Variants in CROCC observed in about 807,000 individuals in gnomAD.
CROCC encodes rootletin.
A neutral mutation model predicts 245.2 loss-of-function variants in CROCC; 180 were observed. That is an observed-to-expected ratio of 0.73 (90% CI 0.65 to 0.83). The LOEUF is 0.83. Among genes scored for constraint, CROCC ranks in the 40% least tolerant of loss-of-function variants. The probability of loss-of-function intolerance (pLI) is 0.00; values close to 1 mark genes in which losing one functional copy is unlikely to be tolerated. For missense variants in CROCC, 2,688 were observed against 2,779.4 expected (o/e 0.97, Z 0.74); for synonymous variants, 1,205 against 1,241.6 (o/e 0.97, Z 0.62).
upstream of CROCC, among the ~76,000 whole-genome samples, chr1:16,921,023 C>T (rs6666198): frequency 0.13 from 19,947 of 148,682 alleles, no homozygotes; most frequent in East Asian, 0.4. Flanking sequence ...AGATTACAGG[C>T]ATGAGTGCCT....
chr1:16,970,833 G>A, intron 35 of CROCC, 66 bp downstream of exon 35: 2 of 1,469,960 alleles, frequency 1.4e-6, no homozygotes, highest in South Asian at 2.9e-5. Flanking sequence ...AATTCCAGTG[G>A]AGCTGATGGC....
intron 7 of CROCC, 60 bp downstream of exon 7, chr1:16,930,654 G>A (rs891299459): frequency 1.0e-5 from 16 of 1,547,222 alleles, no homozygotes; most frequent in Non-Finnish European, 1.4e-5. Context: ...CTGCAGAGGA[G>A]GGAGGACTCA....
chr1:16,951,337 G>A (rs553006944), intron 20 of CROCC: 39 of 417,820 alleles, frequency 9.3e-5, no homozygotes, highest in African/African-American at 7.4e-4. Context: ...TGGTAATCCT[G>A]ATGCAGAGGG....
chr1:16,966,234 G>A lies in CROCC; in HGVS notation c.4696+115G>A, dbSNP rs907373797. 6.8e-7 allele frequency: 1 copy of A among 1,472,266 alleles called. No individual in the cohort carries two copies. 91.2% of individuals were successfully genotyped at this position (1,472,266 alleles called of 1,614,324 possible). ...GGCCCCCATGACCTGACTCGGGGCT[G>A]TCTCCAAGAGGACCCTCCTTGGACA... is the stretch of plus-strand genomic sequence containing the variant. On this transcript the variant is annotated intron_variant, in intron 29 of 36. Coordinates refer to ENST00000375541, the MANE Select transcript of CROCC (RefSeq NM_014675.5). The surrounding 1 kb of genome is among the most constrained non-coding windows in gnomAD (Gnocchi z 4.8).
intron 8 of CROCC, among the ~76,000 whole-genome samples, chr1:16,936,050 ATTATG>A (rs1391586010): frequency 1.3e-5 from 2 of 152,056 alleles, no homozygotes; most frequent in East Asian, 3.8e-4. Flanking sequence ...CTCCTTGTGT[ATTATG>A]TATCCCTTTT....
At position 16,938,474 on chromosome 1, in the gene CROCC, C is replaced by T; in HGVS notation, c.1365C>T (p.Asp455=). ...AGGGGCTACAGCAGACCCTAAGGGA[C>T]CTGGCACAGGTGTGAGCCCAGAGAG... ...DGEGLQQTLR[D]LAQAVLSDSE... The change falls in exon 11 of 37, where the codon GAC becomes GAT. Residue 455 remains aspartate (D), a synonymous_variant. Coordinates refer to ENST00000375541, the MANE Select transcript of CROCC (RefSeq NM_014675.5). 2.5e-6 allele frequency: 4 copies of T among 1,575,568 alleles called. No homozygotes were observed. Among genetic ancestry groups the T allele is most frequent in the Non-Finnish European group, 3.4e-6 (4 of 1,161,214 alleles).
At chr1:16,933,093 G>A (rs1274928838) in intron 8 of CROCC, among the ~76,000 whole-genome samples, 2 of 152,254 alleles carry the variant, frequency 1.3e-5, no homozygotes, top group Non-Finnish European at 2.9e-5. Flanking sequence ...TTACAGGCAT[G>A]AGCAACCACA....
upstream of CROCC, among the ~76,000 whole-genome samples, chr1:16,921,742 C>T (rs1320185953): frequency 1.3e-5 from 2 of 152,234 alleles, no homozygotes; most frequent in Non-Finnish European, 2.9e-5. Context: ...CTTCTCTCTC[C>T]TCCCTCCTTT....
rs768033612 is a variant in CROCC at position 16,958,700 on chromosome 1, C to T, written c.3982C>T (p.Arg1328Trp). 1.3e-5 allele frequency: 21 copies of T among 1,560,268 alleles called. No homozygotes were observed. The highest frequency in any genetic ancestry group is 9.5e-5 in the East Asian group (4 of 42,118). The stretch of plus-strand genomic sequence containing the variant: ...GAGCAGGCGGGAGACCCTGGGCCTC[C>T]GGCAGAGGCTGCTGAAGGGCGAGGC... ...KESRRETLGL[R>W]QRLLKGEASL... Residue 1328 changes from arginine to tryptophan, a missense_variant, in exon 26 of 37, where the codon CGG (arginine) becomes TGG (tryptophan). By Grantham distance (101) the Arg-to-Trp change is moderately radical. Around this residue, in one of 9 missense-constraint regions of CROCC, gnomAD observed 1,218 missense variants for 1,286.3 expected, o/e 0.95. Transcript: ENST00000375541.
intron 3 of CROCC, among the ~76,000 whole-genome samples, chr1:16,925,970 C>T (rs755707973): frequency 1.1e-4 from 17 of 152,266 alleles, no homozygotes; most frequent in Non-Finnish European, 2.1e-4. Flanking sequence ...CCAGGGCCGC[C>T]TCTTAAATGC....
At position 16,930,283 on chromosome 1, in the gene CROCC, C is replaced by G. The variant is rs777215503; in HGVS notation, c.622-3C>G. Reference sequence around the variant, plus strand: ...CTGATGCTTTAACCTCTCTCCCACCCAGGACACAGAGCACAGCCAAGACCT... The same window carrying G: ...CTGATGCTTTAACCTCTCTCCCACCGAGGACACAGAGCACAGCCAAGACCT... On this transcript the variant is annotated splice_polypyrimidine_tract_variant and splice_region_variant and intron_variant, in intron 5 of 36. Transcript: ENST00000375541. The G allele has an allele frequency of 1.9e-6, 3 of 1,602,534 alleles. No individual in the cohort carries two copies. In the South Asian group the frequency reaches 3.4e-5, roughly 18 times the overall value.
intron 8 of CROCC, among the ~76,000 whole-genome samples, chr1:16,933,112 A>T (rs1372012913): frequency 6.6e-6 from 1 of 152,280 alleles, no homozygotes; most frequent in Non-Finnish European, 1.5e-5. Context: ...CACCTGGTTT[A>T]ATAATCTTTT....
chr1:16,921,266 G>A (rs141434017), upstream of CROCC, among the ~76,000 whole-genome samples: 5,331 of 151,306 alleles, frequency 0.035, no homozygotes, highest in Middle Eastern at 0.055. Flanking sequence ...CAGCTAGTGG[G>A]GGCTGGGGTG....
intron 3 of CROCC, among the ~76,000 whole-genome samples, chr1:16,926,964 G>A (rs1484062712): frequency 6.6e-6 from 1 of 152,254 alleles, no homozygotes; most frequent in East Asian, 1.9e-4. Context: ...TGGCCGAGAG[G>A]GCCCTGGCTC....
intron 27 of CROCC, among the ~76,000 whole-genome samples, chr1:16,962,489 C>T (rs1035658791): frequency 1.1e-4 from 17 of 148,026 alleles, no homozygotes; most frequent in African/African-American, 4.0e-4. Context: ...GAGCTGAGAT[C>T]CCGCCACTGC....
chr1:16,926,682 C>T (rs1183274436), intron 3 of CROCC, among the ~76,000 whole-genome samples: 2 of 152,242 alleles, frequency 1.3e-5, no homozygotes, highest in African/African-American at 2.4e-5. Flanking sequence ...TTCTTGCTGT[C>T]CCTGAGAAGC....
At chr1:16,933,312 C>T (rs1174877765) in intron 8 of CROCC, among the ~76,000 whole-genome samples, 1 of 152,130 alleles carries the variant, frequency 6.6e-6, no homozygotes, top group African/African-American at 2.4e-5. Flanking sequence ...ACTAAAAATA[C>T]AAAACTTATC....
rs1199529770 is a variant in CROCC, at chr1:16,946,468, C to A, written c.2283+63C>A. On this transcript the variant is annotated intron_variant, in intron 16 of 36. Transcript: ENST00000375541. ...CCCATCCTCCCCACTCAGTGAGGCA[C>A]CCCGGGCCCAGCCCTGTACCTGTCT... 6 of 1,576,870 alleles carry A rather than the reference C, an allele frequency of 3.8e-6. No homozygotes were observed. In the African/African-American group the frequency reaches 6.7e-5, roughly 18 times the overall value.
chr1:16,927,707 C>A (rs367977598), intron 3 of CROCC, among the ~76,000 whole-genome samples: 2 of 152,290 alleles, frequency 1.3e-5, no homozygotes, highest in African/African-American at 4.8e-5. Flanking sequence ...CAGTGCACAG[C>A]CTGTGTGGCT....
Sources: allele counts gnomAD v4.1 joint callset (sites outside exome capture counted in the v4.1 genomes callset), GRCh38; gene constraint gnomAD v4.1.1; regional missense constraint gnomAD v4.1.1; non-coding constraint Gnocchi (gnomAD v3.1); transcripts MANE v1.5; gene names NCBI Gene and HGNC (gene_info 2026-07-23, HGNC 2026-07-21).